GRPR: variants seen among roughly 807,000 people sequenced by gnomAD.
The protein encoded by GRPR is gastrin releasing peptide receptor.
In GRPR, 4 loss-of-function variants were observed where a neutral mutation model predicts 15.6. The observed-to-expected ratio is 0.26, with a 90% CI of 0.13 to 0.59. GRPR has a LOEUF of 0.59. Ranked by LOEUF, GRPR falls within the 20% of genes least tolerant of loss-of-function variation. The pLI, the probability that GRPR is intolerant of heterozygous loss-of-function variation, is 0.90. For synonymous variants in GRPR, 128 were observed against 126.8 expected, an observed-to-expected ratio of 1.01 and a Z score of -0.06; for missense variants, 270 against 304.1, an observed-to-expected ratio of 0.89 and a Z score of 0.83.
chrX:16,150,711 C>A, intron 2 of GRPR, 55 bp downstream of exon 2: 1 of 718,748 alleles, frequency 1.4e-6, no homozygotes, highest in Non-Finnish European at 2.2e-6. Flanking sequence ...CCTTGCATTT[C>A]TTTTGGACCC....
intron 1 of GRPR, among the ~76,000 whole-genome samples, chrX:16,133,538 A>G (rs1216817993): frequency 9.0e-6 from 1 of 111,225 alleles, no homozygotes; most frequent in Non-Finnish European, 1.9e-5. Context: ...CTTCTCCCCA[A>G]AGATCTTCCT....
At chrX:16,128,014 A>G (rs939265687) in intron 1 of GRPR, among the ~76,000 whole-genome samples, 3 of 111,790 alleles carry the variant, frequency 2.7e-5, no homozygotes, top group Non-Finnish European at 5.6e-5. Flanking sequence ...ATTGCTTTAC[A>G]TTTTTTAGGT....
chrX:16,145,269 T>C lies in GRPR; in HGVS notation c.414-5036T>C, dbSNP rs1239585013. On this transcript the variant is annotated intron_variant, in intron 1 of 2. Coordinates refer to ENST00000380289, the MANE Select transcript of GRPR (RefSeq NM_005314.3). The stretch of plus-strand genomic sequence containing the variant: ...ACACTAAACGTCCATCAACAGATGA[T>C]TGGATAAAGAAAATGTGGTACATAT... 4.5e-5 allele frequency among the ~76,000 whole-genome samples: 5 copies of C among 111,799 alleles called. 1 individual carries two copies. Among genetic ancestry groups the C allele is most frequent in the East Asian group, 5.6e-4 (2 of 3,575 alleles).
At chrX:16,131,551 C>G (rs779221033) in intron 1 of GRPR, among the ~76,000 whole-genome samples, 63 of 111,964 alleles carry the variant, frequency 5.6e-4, no homozygotes, top group Non-Finnish European at 1.0e-3. Context: ...ACTACCACCA[C>G]CAGCACAGTC....
chrX:16,128,731 T>C (rs1176356871), intron 1 of GRPR, among the ~76,000 whole-genome samples: 3 of 110,587 alleles, frequency 2.7e-5, no homozygotes, highest in Non-Finnish European at 3.8e-5. Context: ...GATGGATGGA[T>C]AGATGGCTGG....
At chrX:16,136,502 C>T (rs1042216463) in intron 1 of GRPR, among the ~76,000 whole-genome samples, 9 of 111,671 alleles carry the variant, frequency 8.1e-5, no homozygotes, top group Admixed American at 4.7e-4. Flanking sequence ...GCATCCTGAG[C>T]GATGAGTGCT....
In GRPR at chrX:16,152,501, G is replaced by A; in HGVS notation, c.1011G>A (p.Leu337=). The change falls in exon 3 of 3, where the codon CTG becomes CTA. Residue 337 remains leucine (L), a synonymous_variant. Coordinates refer to ENST00000380289, the MANE Select transcript of GRPR (RefSeq NM_005314.3). ...TCAGGAAACAGTTCAACACTCAGCT[G>A]CTCTGTTGCCAGCCTGGCCTGATCA... ...KSFRKQFNTQ[L]LCCQPGLIIR... is the part of the protein sequence containing the mutation. 8.3e-7 allele frequency: 1 copy of A among 1,210,922 alleles called. No individual in the cohort carries two copies. Among genetic ancestry groups the A allele is most frequent in the Non-Finnish European group, 1.1e-6 (1 of 894,634 alleles).
intron 1 of GRPR, among the ~76,000 whole-genome samples, chrX:16,126,833 A>C (rs1183880722): frequency 1.8e-5 from 2 of 112,058 alleles, no homozygotes; most frequent in Non-Finnish European, 3.8e-5. Context: ...TGGTTTATTT[A>C]TTCCTTCTAA....
Position 16,150,558 on chromosome X carries a change from C to T in GRPR, c.667C>T (p.Leu223=). Residue 223 remains leucine (L), a synonymous_variant, in exon 2 of 3, where the codon CTG becomes TTG. Coordinates refer to ENST00000380289, the MANE Select transcript of GRPR (RefSeq NM_005314.3). The stretch of plus-strand genomic sequence containing the variant: ...CTTTCTGGTCTTCTACGTCATTCCA[C>T]TGTCGATCATCTCTGTTTACTACTA... ...ASFLVFYVIP[L]SIISVYYYFI... is the part of the protein sequence containing the mutation. 1 of 1,198,152 alleles carries T rather than the reference C, an allele frequency of 8.3e-7. No individual in the cohort carries two copies. Among genetic ancestry groups the T allele is most frequent in the Non-Finnish European group, 1.1e-6 (1 of 882,975 alleles).
rs780184934 is a variant in GRPR, at chrX:16,153,334, G to C, written c.*689G>C. 1 of 112,272 alleles carries C rather than the reference G, an allele frequency of 8.9e-6. No homozygotes were observed. Among genetic ancestry groups the C allele is most frequent in the Admixed American group, 9.4e-5 (1 of 10,665 alleles). The allele number at this position is 112,272 out of a possible 1,213,427, so 9.3% of individuals were successfully genotyped here. On this transcript the variant is annotated 3_prime_UTR_variant, in exon 3 of 3. Coordinates refer to ENST00000380289, the MANE Select transcript of GRPR (RefSeq NM_005314.3). ...AAGCAAAAATACAATCAAACACATT[G>C]ACACGTATATAAAGATCCACGCGTG...
chrX:16,127,975 G>T (rs1221436834), intron 1 of GRPR, among the ~76,000 whole-genome samples: 1 of 111,573 alleles, frequency 9.0e-6, no homozygotes, highest in African/African-American at 3.3e-5. Flanking sequence ...TGTTTTGTTT[G>T]TCTGTTTATT....
intron 1 of GRPR, among the ~76,000 whole-genome samples, chrX:16,144,339 C>T (rs891756623): frequency 9.8e-5 from 11 of 111,866 alleles, no homozygotes; most frequent in Non-Finnish European, 1.9e-4. Context: ...AGGTAGAATT[C>T]TAATTTTAAG....
chrX:16,139,071 C>A (rs996225157), intron 1 of GRPR, among the ~76,000 whole-genome samples: 1 of 112,236 alleles, frequency 8.9e-6, no homozygotes, highest in Non-Finnish European at 1.9e-5. Flanking sequence ...TGACTTTGGG[C>A]AAACCACTTT....
At chrX:16,150,184 C>T (rs1320186053) in intron 1 of GRPR, 121 bp from the exon 2 acceptor site, 3 of 542,821 alleles carry the variant, frequency 5.5e-6, no homozygotes, top group Admixed American at 2.6e-5. Context: ...CCTCAGGACC[C>T]GAAAGTGAGC....
intron 1 of GRPR, among the ~76,000 whole-genome samples, chrX:16,135,900 A>G (rs1922441115): frequency 8.9e-6 from 1 of 112,211 alleles, no homozygotes; most frequent in African/African-American, 3.2e-5. Flanking sequence ...AAACAGAAAA[A>G]TCAGAATTTG....
rs4986945 is a variant in GRPR, at chrX:16,150,344, T to C, written c.453T>C (p.Ser151=). ...AIVRPMDIQA[S]HALMKICLKA... ...TCCGGCCAATGGATATCCAGGCCTC[T>C]CATGCCCTGATGAAGATCTGCCTCA... Residue 151 remains serine, a synonymous_variant, in exon 2 of 3, where the codon TCT becomes TCC. Coordinates refer to ENST00000380289, the MANE Select transcript of GRPR (RefSeq NM_005314.3). The C allele has an allele frequency of 0.33, 393,842 of 1,204,138 alleles. 44,661 individuals are homozygous for C. Among genetic ancestry groups the C allele is most frequent in the Non-Finnish European group, 0.34 (304,028 of 890,789 alleles).
intron 1 of GRPR, among the ~76,000 whole-genome samples, chrX:16,138,082 T>C (rs1209735474): frequency 1.8e-5 from 2 of 112,015 alleles, no homozygotes; most frequent in Non-Finnish European, 3.8e-5. Flanking sequence ...CAAAAGTAGC[T>C]GCTTAAGGTA....
At chrX:16,125,465 G>A (rs1450417332) in intron 1 of GRPR, among the ~76,000 whole-genome samples, 1 of 112,262 alleles carries the variant, frequency 8.9e-6, no homozygotes, top group Non-Finnish European at 1.9e-5. Flanking sequence ...AGAAGGATTT[G>A]AGAGTGTTCT....
chrX:16,142,435 T>A (rs1172687563), intron 1 of GRPR, among the ~76,000 whole-genome samples: 1 of 111,014 alleles, frequency 9.0e-6, no homozygotes, highest in Non-Finnish European at 1.9e-5. Context: ...GTGTTTTGTT[T>A]TGCTGAGCTT....
Sources: allele counts gnomAD v4.1 joint callset (sites outside exome capture counted in the v4.1 genomes callset), GRCh38; gene constraint gnomAD v4.1.1; transcripts MANE v1.5; gene names NCBI Gene and HGNC (gene_info 2026-07-23, HGNC 2026-07-21).